PCDHGA1: variants seen among roughly 807,000 people sequenced by gnomAD.
PCDHGA1 encodes protocadherin gamma subfamily A, 1.
In PCDHGA1, 32 loss-of-function variants were observed where a neutral mutation model predicts 58.0. The observed-to-expected ratio is 0.55, with a 90% CI of 0.42 to 0.74. The LOEUF is 0.74. Among genes scored for constraint, PCDHGA1 ranks in the 30% least tolerant of loss-of-function variants. The pLI, the probability that PCDHGA1 is intolerant of heterozygous loss-of-function variation, is 0.00. For missense variants in PCDHGA1, 1,205 were observed against 1,182.3 expected (o/e 1.02, Z -0.28); for synonymous variants, 498 against 501.1 (o/e 0.99, Z 0.08).
At chr5:141,341,369 GAAGA>G in intron 1 of PCDHGA1, 1 of 1,614,236 alleles carries the variant, frequency 6.2e-7, no homozygotes, top group Non-Finnish European at 8.5e-7. Flanking sequence ...TCTACTCGAA[GAAGA>G]AAGAGAAGAA....
At chr5:141,378,233 G>C (rs1449430240) in intron 1 of PCDHGA1, 1 of 152,134 alleles carries the variant, frequency 6.6e-6, no homozygotes, top group African/African-American at 2.4e-5. Context: ...TAGTATTTAA[G>C]AGTGAAAATG....
rs13436338 is a variant in PCDHGA1, at chr5:141,468,261, G to A, written c.2422-26546G>A. On this transcript the variant is annotated intron_variant, in intron 1 of 3. Coordinates refer to ENST00000517417, the MANE Select transcript of PCDHGA1 (RefSeq NM_018912.3). ...AATTGCCTGAACCTGGGAGGCAGAG[G>A]TTGTGGTGAGCCGAGACCACGCCAT... Among the ~76,000 whole-genome samples, 391 of 149,216 alleles carry A rather than the reference G, an allele frequency of 2.6e-3. 2 individuals are homozygous for A. Among genetic ancestry groups the A allele is most frequent in the African/African-American group, 9.3e-3 (377 of 40,498 alleles).
At chr5:141,411,341 G>A (rs903980826) in intron 1 of PCDHGA1, 4 of 152,064 alleles carry the variant, frequency 2.6e-5, no homozygotes, top group Admixed American at 6.5e-5. Context: ...AGGCTGAATC[G>A]GAAAGTATCA....
rs201673318 is a variant in PCDHGA1, at chr5:141,421,626, C to G, written c.2422-73181C>G. On this transcript the variant is annotated intron_variant, in intron 1 of 3. Coordinates refer to ENST00000517417, the MANE Select transcript of PCDHGA1 (RefSeq NM_018912.3). ...TAGATATTAATGATAACGCCCCCAG[C>G]TTCCAGGAGGACGAAGTGGAGATAA... 1.9e-6 allele frequency: 3 copies of G among 1,613,842 alleles called. No individual in the cohort carries two copies. In the African/African-American group the frequency reaches 4.0e-5, roughly 21 times the overall value.
intron 1 of PCDHGA1, chr5:141,404,741 GACT>G: frequency 6.2e-7 from 1 of 1,614,072 alleles, no homozygotes; most frequent in Non-Finnish European, 8.5e-7. Flanking sequence ...AGTGGACAGA[GACT>G]CAGGCCAGAA....
intron 1 of PCDHGA1, chr5:141,421,734 G>T: frequency 6.2e-7 from 1 of 1,613,948 alleles, no homozygotes; most frequent in Non-Finnish European, 8.5e-7. Flanking sequence ...ACTCCCTCCA[G>T]AGCTACCAGC....
In PCDHGA1 at chr5:141,487,568, C is replaced by T. The variant is rs752378906; in HGVS notation, c.2422-7239C>T. Reference sequence around the variant, plus strand: ...ACCCAGTGCACCTATGGCAGGGGAGCCTGTTCGCCCAAGCTGCCCACCCTC... The same window carrying T: ...ACCCAGTGCACCTATGGCAGGGGAGTCTGTTCGCCCAAGCTGCCCACCCTC... On this transcript the variant is annotated intron_variant, in intron 1 of 3. Transcript: ENST00000517417. This position sits in a 1 kb window ranked among gnomAD's most constrained non-coding sequence, Gnocchi z 5.0. The T allele has an allele frequency of 1.2e-6, 2 of 1,614,180 alleles. No individual in the cohort carries two copies. The highest frequency in any genetic ancestry group is 1.7e-6 in the Non-Finnish European group (2 of 1,180,042).
chr5:141,357,392 G>C, intron 1 of PCDHGA1: 1 of 1,614,246 alleles, frequency 6.2e-7, no homozygotes, highest in Non-Finnish European at 8.5e-7. Context: ...GAAGGCAGCA[G>C]GTTGGCAGGT....
At chr5:141,478,576 G>A (rs543160289) in intron 1 of PCDHGA1, 1 of 1,585,480 alleles carries the variant, frequency 6.3e-7, no homozygotes, top group Non-Finnish European at 8.6e-7. Flanking sequence ...GCTTGACCCT[G>A]TTAGTGCTTT....
At chr5:141,422,110 T>A in intron 1 of PCDHGA1, 1 of 1,606,626 alleles carries the variant, frequency 6.2e-7, no homozygotes, top group South Asian at 1.1e-5. Flanking sequence ...AATATTCCAA[T>A]TGGATTCACA....
intron 1 of PCDHGA1, chr5:141,419,412 G>A (rs770138290): frequency 1.9e-6 from 3 of 1,613,446 alleles, no homozygotes; most frequent in South Asian, 2.2e-5. Context: ...TTCGCGCAGC[G>A]CGCCTTCGAC....
intron 1 of PCDHGA1, chr5:141,360,787 G>T (rs758998647): frequency 1.2e-6 from 2 of 1,613,882 alleles, no homozygotes; most frequent in South Asian, 1.1e-5. Context: ...TGTGGATGGC[G>T]GAGACCCACC....
At chr5:141,423,471 G>A in intron 1 of PCDHGA1, 1 of 1,614,052 alleles carries the variant, frequency 6.2e-7, no homozygotes, top group South Asian at 1.1e-5. Context: ...ACGGGGTACA[G>A]GCTTTCCTGC....
rs1254986724 is a variant in PCDHGA1, at chr5:141,490,928, C to G, written c.2422-3879C>G. ...CTAGACGAGAATGATAATGCCCCAGCTGTGCTGCACCCACGGCCAGACTGG... is the reference window on the plus strand; with the variant it reads ...CTAGACGAGAATGATAATGCCCCAGGTGTGCTGCACCCACGGCCAGACTGG... On this transcript the variant is annotated intron_variant, in intron 1 of 3. Transcript: ENST00000517417. The surrounding 1 kb of genome is among the most constrained non-coding windows in gnomAD (Gnocchi z 5.4). 2 of 1,613,466 alleles carry G rather than the reference C, an allele frequency of 1.2e-6. No homozygotes were observed. Among genetic ancestry groups the G allele is most frequent in the Non-Finnish European group, 1.7e-6 (2 of 1,179,624 alleles).
Position 141,477,588 on chromosome 5 carries a change from G to T in PCDHGA1, c.2422-17219G>T. 1 of 1,614,152 alleles carries T rather than the reference G, an allele frequency of 6.2e-7. No individual in the cohort carries two copies. The highest frequency in any genetic ancestry group is 8.5e-7 in the Non-Finnish European group (1 of 1,180,040). ...GACCCCGACGCCCCGCAGAATGCTCGGCTTTCTTTCTTTCTCTTGGAGCAA... is the reference window on the plus strand; with the variant it reads ...GACCCCGACGCCCCGCAGAATGCTCTGCTTTCTTTCTTTCTCTTGGAGCAA... On this transcript the variant is annotated intron_variant, in intron 1 of 3. Coordinates refer to ENST00000517417, the MANE Select transcript of PCDHGA1 (RefSeq NM_018912.3). This position sits in a 1 kb window ranked among gnomAD's most constrained non-coding sequence, Gnocchi z 4.9.
At chr5:141,355,956 TG>T in intron 1 of PCDHGA1, 6 of 1,613,914 alleles carry the variant, frequency 3.7e-6, no homozygotes, top group Non-Finnish European at 5.1e-6. Flanking sequence ...TAAGTGTTCG[TG>T]AGAACGTTCC....
intron 1 of PCDHGA1, chr5:141,392,963 G>C: frequency 6.2e-7 from 1 of 1,613,922 alleles, no homozygotes; most frequent in Non-Finnish European, 8.5e-7. Flanking sequence ...ATATCTCCAA[G>C]GACCTGGGGC....
At chr5:141,370,542 C>A in intron 1 of PCDHGA1, 1 of 1,613,902 alleles carries the variant, frequency 6.2e-7, no homozygotes, top group Non-Finnish European at 8.5e-7. Flanking sequence ...GGTAGGGAAC[C>A]TCGCCAAGGA....
chr5:141,442,164 C>A, intron 1 of PCDHGA1: 1 of 156,542 alleles, frequency 6.4e-6, no homozygotes, highest in Non-Finnish European at 1.4e-5. Context: ...GATCACTCTG[C>A]AAAGCTACAG....
Sources: gnomAD v4.1 joint callset for allele counts (sites outside exome capture counted in the v4.1 genomes callset) on GRCh38, gnomAD v4.1.1 for gene constraint, Gnocchi (gnomAD v3.1) non-coding constraint, MANE v1.5 for transcripts, NCBI Gene and HGNC (gene_info 2026-07-23, HGNC 2026-07-21) for gene names.